The following DDX4 variants were observed in gnomAD, a reference collection of about 807,000 sequenced individuals.
The protein encoded by DDX4 is DEAD-box helicase 4, also known as probable ATP-dependent RNA helicase DDX4.
A neutral mutation model predicts 100.0 loss-of-function variants in DDX4; 25 were observed. That is an observed-to-expected ratio of 0.25 (90% CI 0.18 to 0.35). The LOEUF (loss-of-function observed/expected upper bound fraction) is 0.35, where lower values mean the gene tolerates loss of function less well. DDX4 is among the 10% of genes least tolerant of loss of function. DDX4 has a pLI of 1.00. For synonymous variants in DDX4, 259 were observed against 275.7 expected (o/e 0.94, Z 0.60); for missense variants, 635 against 882.4 (o/e 0.72, Z 3.55).
chr5:55,808,792 C>A, intron 18 of DDX4, among the ~76,000 whole-genome samples: 1 of 152,336 alleles, frequency 6.6e-6, no homozygotes, highest in East Asian at 1.9e-4. Flanking sequence ...CAGTCTGTCC[C>A]TTCTCAGATG....
chr5:55,817,047 A>C lies in DDX4; in HGVS notation c.*507A>C, dbSNP rs1471610153. ...ATCAGATGTATGATGAAAATGGTTAAATGTTTGTGATGGGAGCTCTGTACT... is the reference window on the plus strand; with the variant it reads ...ATCAGATGTATGATGAAAATGGTTACATGTTTGTGATGGGAGCTCTGTACT... On this transcript the variant is annotated 3_prime_UTR_variant, in exon 22 of 22. Coordinates refer to ENST00000505374, the MANE Select transcript of DDX4 (RefSeq NM_024415.3). 1.3e-5 allele frequency: 2 copies of C among 152,512 alleles called. No homozygotes were observed. Among genetic ancestry groups the C allele is most frequent in the Non-Finnish European group, 2.9e-5 (2 of 68,262 alleles). 9.4% of individuals were successfully genotyped at this position (152,512 alleles called of 1,614,324 possible). A position where few individuals can be genotyped will look rare whatever the true frequency, so the allele number is the denominator to read the frequency against.
chr5:55,746,469 C>T (rs1759254378), intron 3 of DDX4, among the ~76,000 whole-genome samples: 1 of 152,132 alleles, frequency 6.6e-6, no homozygotes, highest in Non-Finnish European at 1.5e-5. Flanking sequence ...TTGGAAGTTG[C>T]ACATTCAGCT....
At chr5:55,768,435 T>C (rs1408310457) in intron 7 of DDX4, among the ~76,000 whole-genome samples, 1 of 152,210 alleles carries the variant, frequency 6.6e-6, no homozygotes, top group African/African-American at 2.4e-5. Flanking sequence ...GCTCCATTCA[T>C]GTTCCTGCAA....
intron 2 of DDX4, chr5:55,741,996 G>A (rs1365463117): frequency 6.3e-6 from 2 of 317,094 alleles, no homozygotes; most frequent in African/African-American, 4.3e-5. Flanking sequence ...GCTTTATTTG[G>A]AGACTTAATG....
chr5:55,775,400 G>A (rs1273368287), intron 7 of DDX4, among the ~76,000 whole-genome samples: 2 of 152,160 alleles, frequency 1.3e-5, no homozygotes, highest in Non-Finnish European at 2.9e-5. Context: ...AACTAGGTAA[G>A]TTAAAATGCT....
intron 18 of DDX4, among the ~76,000 whole-genome samples, chr5:55,805,687 G>A (rs1371531498): frequency 6.6e-6 from 1 of 152,188 alleles, no homozygotes; most frequent in Non-Finnish European, 1.5e-5. Flanking sequence ...CTTGATCATG[G>A]TGGATAAGCT....
intron 8 of DDX4, 112 bp downstream of exon 8, chr5:55,780,177 C>A: frequency 9.5e-6 from 14 of 1,472,848 alleles, no homozygotes; most frequent in Non-Finnish European, 1.3e-5. Context: ...AATAGCTTAG[C>A]TCAGTGACTA....
chr5:55,760,608 T>C (rs1175607022), intron 4 of DDX4, among the ~76,000 whole-genome samples: 1 of 152,164 alleles, frequency 6.6e-6, no homozygotes, highest in East Asian at 1.9e-4. Flanking sequence ...TTGTAAAAGC[T>C]TCAGGGATTA....
chr5:55,788,086 G>A (rs1742350186), intron 15 of DDX4, 86 bp downstream of exon 15: 2 of 1,156,478 alleles, frequency 1.7e-6, no homozygotes, highest in African/African-American at 1.6e-5. Flanking sequence ...CAGTAATAAT[G>A]CACTCATGTA....
chr5:55,785,929 A>G (rs953619966), intron 13 of DDX4, 58 bp downstream of exon 13: 3 of 1,240,724 alleles, frequency 2.4e-6, no homozygotes, highest in African/African-American at 1.5e-5. Context: ...TTTAAAATAC[A>G]TTATGTAGTT....
chr5:55,749,691 T>C (rs950090540), intron 3 of DDX4, among the ~76,000 whole-genome samples: 1 of 152,174 alleles, frequency 6.6e-6, no homozygotes, highest in Admixed American at 6.5e-5. Context: ...TCTATGTTGC[T>C]TTTGCTGATT....
intron 7 of DDX4, 87 bp downstream of exon 7, chr5:55,768,027 A>G: frequency 8.2e-7 from 1 of 1,215,766 alleles, no homozygotes; most frequent in African/African-American, 1.5e-5. Context: ...GATGAAAAAC[A>G]CTGATCGTGA....
At chr5:55,764,730 C>T (rs1740781410) in intron 6 of DDX4, among the ~76,000 whole-genome samples, 1 of 152,150 alleles carries the variant, frequency 6.6e-6, no homozygotes. Flanking sequence ...CTCTGCCTTG[C>T]TACCTGCTAG....
intron 3 of DDX4, among the ~76,000 whole-genome samples, chr5:55,758,722 A>G (rs933215054): frequency 2.6e-5 from 4 of 151,784 alleles, no homozygotes; most frequent in East Asian, 1.9e-4. Flanking sequence ...CACATTTCTA[A>G]TACTGTTCAC....
At chr5:55,805,500 C>G (rs968033873) in intron 18 of DDX4, among the ~76,000 whole-genome samples, 1 of 151,842 alleles carries the variant, frequency 6.6e-6, no homozygotes, top group Admixed American at 6.6e-5. Context: ...TACGTCCCAT[C>G]AATACCTAAT....
At chr5:55,762,010 G>C (rs1041676555) in intron 4 of DDX4, among the ~76,000 whole-genome samples, 2 of 152,144 alleles carry the variant, frequency 1.3e-5, no homozygotes, top group African/African-American at 4.8e-5. Context: ...CGACTAGCTT[G>C]TTATGTCCTG....
intron 2 of DDX4, among the ~76,000 whole-genome samples, chr5:55,743,284 C>T (rs529611657): frequency 6.6e-6 from 1 of 152,240 alleles, no homozygotes; most frequent in Admixed American, 6.5e-5. Flanking sequence ...CACATTGCAC[C>T]TCCTTTGTGG....
At chr5:55,799,039 T>C (rs972653445) in intron 18 of DDX4, among the ~76,000 whole-genome samples, 1 of 152,312 alleles carries the variant, frequency 6.6e-6, no homozygotes, top group East Asian at 1.9e-4. Flanking sequence ...TGGGAATTTT[T>C]TTTTCTCCTC....
At chr5:55,789,210 A>G (rs1471036488) in intron 15 of DDX4, among the ~76,000 whole-genome samples, 2 of 152,330 alleles carry the variant, frequency 1.3e-5, no homozygotes, top group East Asian at 3.9e-4. Flanking sequence ...ATTTCAGTAT[A>G]CCCTTTGCCA....
Sources: allele counts gnomAD v4.1 joint callset (sites outside exome capture counted in the v4.1 genomes callset), GRCh38; gene constraint gnomAD v4.1.1; transcripts MANE v1.5; gene names NCBI Gene and HGNC (gene_info 2026-07-23, HGNC 2026-07-21).